Variants in NAT1 observed in about 807,000 individuals in gnomAD.
NAT1 encodes arylamine N-acetyltransferase 1.
For missense variants in NAT1, 400 were observed against 339.2 expected, an observed-to-expected ratio of 1.18 and a Z score of -1.41; for synonymous variants, 144 against 122.6, an observed-to-expected ratio of 1.17 and a Z score of -1.16.
At chr8:18,221,742 T>C (rs1241948659) in intron 2 of NAT1, 2 of 259,832 alleles carry the variant, frequency 7.7e-6, no homozygotes, top group Non-Finnish European at 1.5e-5. Flanking sequence ...AGTTGGAATC[T>C]CTCTTTTATT....
At position 18,222,155 on chromosome 8, in the gene NAT1, C is replaced by A; in HGVS notation, c.108C>A (p.Pro36=). ...DILQHQIRAV[P]FENLNIHCGD... is the part of the protein sequence containing the mutation. ...TTCAACACCAGATCCGAGCTGTTCC[C>A]TTTGAGAACCTTAACATCCATTGTG... Residue 36 remains proline, a synonymous_variant, in exon 3 of 3, where the codon CCC becomes CCA. Transcript: ENST00000307719. The A allele has an allele frequency of 6.2e-7, 1 of 1,614,120 alleles. No individual in the cohort carries two copies.
At chr8:18,191,120 T>C (rs1043886948) in intron 2 of NAT1, among the ~76,000 whole-genome samples, 2 of 152,104 alleles carry the variant, frequency 1.3e-5, no homozygotes, top group Non-Finnish European at 2.9e-5. Flanking sequence ...ATACCCTGTA[T>C]AATAATACAT....
intron 2 of NAT1, among the ~76,000 whole-genome samples, chr8:18,203,683 G>GGT (rs1366645984): frequency 6.6e-6 from 1 of 152,140 alleles, no homozygotes; most frequent in Non-Finnish European, 1.5e-5. Context: ...CTCTATAATT[G>GGT]GTGTGTACAT....
intron 2 of NAT1, among the ~76,000 whole-genome samples, chr8:18,220,774 C>T (rs1301677286): frequency 6.6e-6 from 1 of 152,192 alleles, no homozygotes; most frequent in African/African-American, 2.4e-5. Flanking sequence ...ACCCCACCAG[C>T]TTCTACCTTG....
intron 1 of NAT1, among the ~76,000 whole-genome samples, chr8:18,213,822 T>C (rs891009919): frequency 2.0e-5 from 3 of 151,608 alleles, no homozygotes; most frequent in African/African-American, 7.3e-5. Context: ...ATATTTCTTT[T>C]TTTTTTTTTT....
chr8:18,179,444 C>T (rs1802422262), intron 2 of NAT1, among the ~76,000 whole-genome samples: 1 of 152,100 alleles, frequency 6.6e-6, no homozygotes, highest in Non-Finnish European at 1.5e-5. Flanking sequence ...TTTGAAGCAC[C>T]AGCCTGGAAG....
At chr8:18,213,770 G>C (rs1804342900) in intron 1 of NAT1, among the ~76,000 whole-genome samples, 1 of 151,546 alleles carries the variant, frequency 6.6e-6, no homozygotes, top group Non-Finnish European at 1.5e-5. Context: ...GACTCTCCTA[G>C]ACTCTGGTCT....
chr8:18,211,335 C>T (rs1401332548), intron 1 of NAT1: 1 of 152,202 alleles, frequency 6.6e-6, no homozygotes, highest in Admixed American at 6.5e-5. Context: ...ATGAGGCCCA[C>T]TACAATGGTA....
At chr8:18,195,720 G>T (rs1803201725) in intron 2 of NAT1, among the ~76,000 whole-genome samples, 1 of 151,690 alleles carries the variant, frequency 6.6e-6, no homozygotes, top group Non-Finnish European at 1.5e-5. Context: ...AAATAGTGTG[G>T]TCTGTCCTCC....
intron 2 of NAT1, among the ~76,000 whole-genome samples, chr8:18,185,308 T>G (rs1456440656): frequency 6.6e-6 from 1 of 152,212 alleles, no homozygotes; most frequent in Non-Finnish European, 1.5e-5. Flanking sequence ...ATTTTTTAAA[T>G]TTATAGATTC....
intron 2 of NAT1, chr8:18,221,796 A>T: frequency 2.6e-6 from 1 of 382,318 alleles, no homozygotes; most frequent in Non-Finnish European, 4.7e-6. Flanking sequence ...CATTTGACTC[A>T]TCATTTAATC....
chr8:18,212,841 T>G (rs1804235113), intron 1 of NAT1: 1 of 152,520 alleles, frequency 6.6e-6, no homozygotes, highest in African/African-American at 2.4e-5. Flanking sequence ...CAGCCCCGTC[T>G]TCCCTCTTAG....
intron 2 of NAT1, among the ~76,000 whole-genome samples, chr8:18,176,291 G>A (rs1563160141): frequency 1.3e-5 from 2 of 152,078 alleles, no homozygotes; most frequent in South Asian, 2.1e-4. Flanking sequence ...CCACACCAAT[G>A]TCATGGAGAG....
chr8:18,183,885 T>C (rs562886946), intron 2 of NAT1, among the ~76,000 whole-genome samples: 28 of 152,170 alleles, frequency 1.8e-4, no homozygotes, highest in Non-Finnish European at 4.1e-4. Context: ...TCAGACACAC[T>C]TGGGTTGACC....
chr8:18,218,627 C>T (rs1804945157), intron 1 of NAT1, among the ~76,000 whole-genome samples: 1 of 152,054 alleles, frequency 6.6e-6, no homozygotes, highest in Non-Finnish European at 1.5e-5. Flanking sequence ...TTAATGTCTC[C>T]CAATTTGTTT....
At chr8:18,202,909 T>G (rs189384535) in intron 2 of NAT1, among the ~76,000 whole-genome samples, 40 of 152,312 alleles carry the variant, frequency 2.6e-4, no homozygotes, top group Non-Finnish European at 4.9e-4. Context: ...TCCTGCTGAT[T>G]GGTCCATTTT....
chr8:18,217,915 T>C (rs6586716), intron 1 of NAT1, among the ~76,000 whole-genome samples: 103,051 of 151,390 alleles, frequency 0.68, 35,628 homozygotes, highest in Non-Finnish European at 0.76. Context: ...GGCTTCCTGC[T>C]ATAGAGTGTA....
intron 2 of NAT1, among the ~76,000 whole-genome samples, chr8:18,170,995 A>T (rs28383657): frequency 0.078 from 11,893 of 152,146 alleles, 1,274 homozygotes; most frequent in African/African-American, 0.24. Flanking sequence ...TTCAAAATCA[A>T]ATTGGATTCA....
At chr8:18,219,601 C>A in intron 2 of NAT1, 112 bp downstream of exon 2, 1 of 598,652 alleles carries the variant, frequency 1.7e-6, no homozygotes, top group South Asian at 2.3e-5. Context: ...TATCACTGCA[C>A]AGAGATTCTA....
Sources: gnomAD v4.1 joint callset for allele counts (sites outside exome capture counted in the v4.1 genomes callset) on GRCh38, gnomAD v4.1.1 for gene constraint, MANE v1.5 for transcripts, NCBI Gene and HGNC (gene_info 2026-07-23, HGNC 2026-07-21) for gene names.